Variants in PREP observed in about 807,000 individuals in gnomAD.
PREP encodes the protein dJ355L5.1 (prolyl endopeptidase).
In PREP, 29 loss-of-function variants were observed where a neutral mutation model predicts 87.6. The observed-to-expected ratio is 0.33, with a 90% CI of 0.25 to 0.45. The LOEUF is 0.45. Ranked by LOEUF, PREP falls within the 20% of genes least tolerant of loss-of-function variation. The pLI, the probability that PREP is intolerant of heterozygous loss-of-function variation, is 1.00. For synonymous variants in PREP, 337 were observed against 328.6 expected, an observed-to-expected ratio of 1.03 and a Z score of -0.28; for missense variants, 695 against 886.5, an observed-to-expected ratio of 0.78 and a Z score of 2.74.
intron 6 of PREP, among the ~76,000 whole-genome samples, chr6:105,364,541 A>G (rs1233939506): frequency 6.6e-6 from 1 of 152,182 alleles, no homozygotes; most frequent in African/African-American, 2.4e-5. Context: ...ACACGTCCAC[A>G]AGCACATCCA....
In PREP at chr6:105,349,197, T is replaced by G. The variant is rs147020448; in HGVS notation, c.823+3775A>C. Among the ~76,000 whole-genome samples, 107 of 152,276 alleles carry G rather than the reference T, an allele frequency of 7.0e-4. No individual in the cohort carries two copies. In the East Asian group the frequency reaches 0.02, roughly 28 times the overall value. On this transcript the variant is annotated intron_variant, in intron 7 of 14. Coordinates refer to ENST00000652536, the MANE Select transcript of PREP (RefSeq NM_002726.5). Reference sequence around the variant, plus strand: ...TGCAGTTACTGGGTAAAGGATGTGATCCACAGCTTGCAACAAATGTGTTCA... The same window carrying G: ...TGCAGTTACTGGGTAAAGGATGTGAGCCACAGCTTGCAACAAATGTGTTCA...
intron 6 of PREP, among the ~76,000 whole-genome samples, chr6:105,356,291 C>T (rs941704682): frequency 6.6e-6 from 1 of 152,310 alleles, no homozygotes; most frequent in Admixed American, 6.5e-5. Context: ...CATAGCTTCT[C>T]TGAGGTCTAA....
rs1213054816 is a variant in PREP, at chr6:105,355,092, G to GTT, written c.718-2017_718-2016dup. Among the ~76,000 whole-genome samples, 939 of 135,580 alleles carry GTT rather than the reference G, an allele frequency of 6.9e-3. 29 individuals are homozygous for GTT. The East Asian group carries it at 0.088, about 13-fold the overall frequency. 88.9% of individuals were successfully genotyped at this position (135,580 alleles called of 152,430 possible). A position where few individuals can be genotyped will look rare whatever the true frequency, so the allele number is the denominator to read the frequency against. ...GACAGGATATGGTGGTCGGGTTGTAGTTTTTTTTTTTTTTTTTGAGACGGA... is the reference window on the plus strand; with the variant it reads ...GACAGGATATGGTGGTCGGGTTGTAGTTTTTTTTTTTTTTTTTTTGAGACGGA... On this transcript the variant is annotated intron_variant, in intron 6 of 14. Transcript: ENST00000652536.
intron 2 of PREP, among the ~76,000 whole-genome samples, chr6:105,384,264 T>A (rs2114721822): frequency 6.6e-6 from 1 of 152,248 alleles, no homozygotes; most frequent in Non-Finnish European, 1.5e-5. Flanking sequence ...CCTCTTCCAG[T>A]CCTGCACTAC....
chr6:105,386,464 T>C (rs1772997289), intron 2 of PREP, among the ~76,000 whole-genome samples: 1 of 152,132 alleles, frequency 6.6e-6, no homozygotes, highest in Non-Finnish European at 1.5e-5. Context: ...GAGTCATGTA[T>C]ATGATTAAAT....
chr6:105,382,778 T>A (rs1207669234), intron 2 of PREP, among the ~76,000 whole-genome samples: 1 of 152,132 alleles, frequency 6.6e-6, no homozygotes, highest in Non-Finnish European at 1.5e-5. Context: ...GACTTCCAGG[T>A]AGAGACTGGC....
Position 105,376,116 on chromosome 6 carries a change from A to C in PREP, c.385+9T>G. Reference sequence around the variant, plus strand: ...AGGAGTTCCACGGGCCTCTCTGTGTAGCACTTACCTCGGAGTGCCACTGTG... The same window carrying C: ...AGGAGTTCCACGGGCCTCTCTGTGTCGCACTTACCTCGGAGTGCCACTGTG... On this transcript the variant is annotated intron_variant, in intron 4 of 14. Coordinates refer to ENST00000652536, the MANE Select transcript of PREP (RefSeq NM_002726.5). 1 of 1,612,374 alleles carries C rather than the reference A, an allele frequency of 6.2e-7. No homozygotes were observed. Among genetic ancestry groups the C allele is most frequent in the South Asian group, 1.1e-5 (1 of 90,778 alleles).
At chr6:105,390,318 TTTATC>T (rs1773107413) in intron 2 of PREP, among the ~76,000 whole-genome samples, 1 of 152,212 alleles carries the variant, frequency 6.6e-6, no homozygotes, top group Admixed American at 6.5e-5. Flanking sequence ...AAATTGTTAT[TTTATC>T]TTATTTTTCA....
intron 2 of PREP, among the ~76,000 whole-genome samples, chr6:105,379,603 T>C (rs1772782406): frequency 6.6e-6 from 1 of 152,164 alleles, no homozygotes; most frequent in Non-Finnish European, 1.5e-5. Flanking sequence ...TGAAAAAGGA[T>C]GTGGAGATGA....
intron 8 of PREP, among the ~76,000 whole-genome samples, chr6:105,330,625 G>C (rs1273561025): frequency 6.6e-6 from 1 of 151,938 alleles, no homozygotes; most frequent in East Asian, 1.9e-4. Context: ...GGCTGTAGGG[G>C]ACAGGTCACA....
intron 8 of PREP, among the ~76,000 whole-genome samples, chr6:105,329,345 G>A (rs796269125): frequency 6.6e-6 from 1 of 152,166 alleles, no homozygotes; most frequent in South Asian, 2.1e-4. Flanking sequence ...TACAGACGGG[G>A]TTTCACTATG....
At chr6:105,387,821 C>T (rs898315538) in intron 2 of PREP, among the ~76,000 whole-genome samples, 1 of 152,198 alleles carries the variant, frequency 6.6e-6, no homozygotes, top group African/African-American at 2.4e-5. Flanking sequence ...CAATCTCTAG[C>T]AGCTCAGAGA....
chr6:105,322,599 C>A, intron 10 of PREP: 4 of 986,882 alleles, frequency 4.1e-6, no homozygotes, highest in Non-Finnish European at 3.6e-6. Context: ...ATATTTCAGG[C>A]CTTCTGGGAC....
intron 6 of PREP, among the ~76,000 whole-genome samples, chr6:105,361,006 T>C (rs1352780595): frequency 6.6e-6 from 1 of 152,154 alleles, no homozygotes; most frequent in Non-Finnish European, 1.5e-5. Context: ...TCAGGGTAAG[T>C]ATGAAATAGA....
chr6:105,310,361 TAA>T (rs1017323654), intron 10 of PREP, among the ~76,000 whole-genome samples: 12 of 152,358 alleles, frequency 7.9e-5, no homozygotes, highest in Middle Eastern at 3.4e-3. Flanking sequence ...AAACCTGTGA[TAA>T]GAGCGTCTAT....
chr6:105,343,603 G>C (rs887255002), intron 7 of PREP, among the ~76,000 whole-genome samples: 104 of 152,108 alleles, frequency 6.8e-4, no homozygotes, highest in African/African-American at 2.3e-3. Flanking sequence ...CTACAGAATG[G>C]GAGAAAATTT....
At position 105,278,502 on chromosome 6, in the gene PREP, C is replaced by T. The variant is rs1037840936; in HGVS notation, c.1839-64G>A. On this transcript the variant is annotated intron_variant, in intron 14 of 14. Transcript: ENST00000652536. The surrounding 1 kb of genome is among the most constrained non-coding windows in gnomAD (Gnocchi z 4.2). ...CAGTAGAGTTTTATGGCACAGGGAC[C>T]TAGGTAGTTAATTAGCAGTGAGGAC... 8 of 1,493,988 alleles carry T rather than the reference C, an allele frequency of 5.4e-6. No homozygotes were observed. Among genetic ancestry groups the T allele is most frequent in the South Asian group, 1.3e-5 (1 of 79,512 alleles). 92.5% of individuals were successfully genotyped at this position (1,493,988 alleles called of 1,614,324 possible). A position where few individuals can be genotyped will look rare whatever the true frequency, so the allele number is the denominator to read the frequency against.
At position 105,277,161 on chromosome 6, in the gene PREP, CT is replaced by C. The variant is rs199929615; in HGVS notation, c.*982del. On this transcript the variant is annotated 3_prime_UTR_variant, in exon 15 of 15. Coordinates refer to ENST00000652536, the MANE Select transcript of PREP (RefSeq NM_002726.5). ...AATCTTGGGGGTGGGCAAACCAAAACTTTTTTTTTTTTTTTTCCAGTAAGTA... is the reference window on the plus strand; with the variant it reads ...AATCTTGGGGGTGGGCAAACCAAAACTTTTTTTTTTTTTTTCCAGTAAGTA... Among the ~76,000 whole-genome samples, 2,313 of 134,028 alleles carry C rather than the reference CT, an allele frequency of 0.017. 37 individuals are homozygous for C. Among genetic ancestry groups the C allele is most frequent in the African/African-American group, 0.049 (1,721 of 35,156 alleles). 87.9% of individuals were successfully genotyped at this position (134,028 alleles called of 152,430 possible).
chr6:105,278,070 A>C lies in PREP; in HGVS notation c.*74T>G, dbSNP rs568846122. The C allele has an allele frequency of 6.8e-5, 104 of 1,519,204 alleles. No individual in the cohort carries two copies. In the Admixed American group the frequency reaches 7.4e-4, roughly 11 times the overall value. The allele number at this position is 1,519,204 out of a possible 1,614,324, so 94.1% of individuals were successfully genotyped here. ...GTTCCCGTGGGGAAGCATTATGCCC[A>C]GTGGTTTCTTGGTGTCAACGTGGGA... On this transcript the variant is annotated 3_prime_UTR_variant, in exon 15 of 15. Coordinates refer to ENST00000652536, the MANE Select transcript of PREP (RefSeq NM_002726.5). The surrounding 1 kb of genome is among the most constrained non-coding windows in gnomAD (Gnocchi z 4.2).
Sources: allele counts gnomAD v4.1 joint callset (sites outside exome capture counted in the v4.1 genomes callset), GRCh38; gene constraint gnomAD v4.1.1; non-coding constraint Gnocchi (gnomAD v3.1); transcripts MANE v1.5; gene names NCBI Gene and HGNC (gene_info 2026-07-23, HGNC 2026-07-21).